Variants in FHIT observed in about 807,000 individuals in gnomAD.
FHIT encodes the protein bis(5'-adenosyl)-triphosphatase.
In FHIT, 19 loss-of-function variants were observed where a neutral mutation model predicts 17.9. The ratio of observed to expected loss-of-function variants is 1.06; its 90% CI spans 0.74 to 1.56. The LOEUF (loss-of-function observed/expected upper bound fraction) is 1.56. FHIT is among the 40% of genes most tolerant of loss of function. FHIT has a pLI of 0.00. For synonymous variants in FHIT, 81 were observed against 69.7 expected (o/e 1.16, Z -0.81); for missense variants, 248 against 189.2 (o/e 1.31, Z -1.82).
chr3:60,355,532 G>C (rs908871516), intron 5 of FHIT, among the ~76,000 whole-genome samples: 2 of 151,526 alleles, frequency 1.3e-5, no homozygotes, highest in African/African-American at 4.8e-5. Context: ...ATTTCAAAAG[G>C]CTGCATACAA....
intron 5 of FHIT, among the ~76,000 whole-genome samples, chr3:60,387,281 G>A (rs1275653556): frequency 2.0e-5 from 3 of 151,926 alleles, no homozygotes; most frequent in Non-Finnish European, 4.4e-5. Context: ...GTGAGCCACC[G>A]TGCCCAGCCA....
rs565088298 is a variant in FHIT, at chr3:60,921,087, G to A, written c.-110-99076C>T. Among the ~76,000 whole-genome samples the A allele has an allele frequency of 1.6e-4, 24 of 152,226 alleles. No homozygotes were observed. In the Middle Eastern group the frequency reaches 0.034, roughly 216 times the overall value. ...AACTGTGCATAGATAGGGGACGGAG[G>A]AGAAAACTCACAAATAAGCAGTCTA... On this transcript the variant is annotated intron_variant, in intron 3 of 9. Coordinates refer to ENST00000492590, the MANE Select transcript of FHIT (RefSeq NM_002012.4).
intron 1 of FHIT, among the ~76,000 whole-genome samples, chr3:61,213,510 T>A (rs2106779557): frequency 6.6e-6 from 1 of 152,270 alleles, no homozygotes; most frequent in South Asian, 2.1e-4. Context: ...ATAAAGCAAG[T>A]CCTGAGTGAC....
chr3:60,588,260 T>G (rs991643479), intron 4 of FHIT, among the ~76,000 whole-genome samples: 2 of 152,084 alleles, frequency 1.3e-5, no homozygotes, highest in Middle Eastern at 6.8e-3. Flanking sequence ...TCTCCCTATA[T>G]CCACTAAAGA....
chr3:60,083,994 T>A (rs1703395954), intron 5 of FHIT, among the ~76,000 whole-genome samples: 1 of 152,122 alleles, frequency 6.6e-6, no homozygotes, highest in South Asian at 2.1e-4. Flanking sequence ...CTGGCACGTT[T>A]ATGTATTGAC....
intron 3 of FHIT, among the ~76,000 whole-genome samples, chr3:60,830,114 A>G (rs1370204438): frequency 5.3e-5 from 8 of 152,000 alleles, no homozygotes; most frequent in Admixed American, 3.9e-4. Flanking sequence ...TCAGTGGACA[A>G]TGGTATTTGA....
chr3:61,248,924 A>C (rs1477869058), intron 1 of FHIT, among the ~76,000 whole-genome samples: 1 of 152,262 alleles, frequency 6.6e-6, no homozygotes, highest in Non-Finnish European at 1.5e-5. Context: ...AATAAGAGTT[A>C]GATTAGATTA....
At chr3:59,855,434 T>C (rs1012497383) in intron 8 of FHIT, among the ~76,000 whole-genome samples, 7 of 152,190 alleles carry the variant, frequency 4.6e-5, no homozygotes, top group Non-Finnish European at 7.3e-5. Flanking sequence ...TCTAAGCTGT[T>C]TTAAATTTTA....
intron 3 of FHIT, among the ~76,000 whole-genome samples, chr3:60,996,577 C>A (rs2030691356): frequency 6.6e-6 from 1 of 152,130 alleles, no homozygotes; most frequent in African/African-American, 2.4e-5. Context: ...ATCGTAATGT[C>A]CATAATACAG....
chr3:60,188,179 T>C (rs1387773305), intron 5 of FHIT, among the ~76,000 whole-genome samples: 1 of 150,416 alleles, frequency 6.6e-6, no homozygotes, highest in African/African-American at 2.4e-5. Context: ...CAGGTGTCTA[T>C]GAACTCAGGG....
At chr3:60,057,815 T>A (rs565747569) in intron 5 of FHIT, among the ~76,000 whole-genome samples, 2 of 152,134 alleles carry the variant, frequency 1.3e-5, no homozygotes, top group Non-Finnish European at 2.9e-5. Flanking sequence ...TGTTTTCTTA[T>A]ACATTATTAC....
chr3:59,876,737 C>T (rs867083008), intron 8 of FHIT, among the ~76,000 whole-genome samples: 12 of 152,198 alleles, frequency 7.9e-5, no homozygotes, highest in South Asian at 4.1e-4. Context: ...TAGTATCAGA[C>T]ACTGCTGGTT....
At position 60,040,486 on chromosome 3, in the gene FHIT, G is replaced by A. The variant is rs1454764095; in HGVS notation, c.104-26334C>T. Among the ~76,000 whole-genome samples the A allele has an allele frequency of 2.0e-5, 3 of 152,008 alleles. No individual in the cohort carries two copies. The East Asian group carries it at 5.8e-4, about 29-fold the overall frequency. On this transcript the variant is annotated intron_variant, in intron 5 of 9. Coordinates refer to ENST00000492590, the MANE Select transcript of FHIT (RefSeq NM_002012.4). ...CTTCCTTTCTTCATACCATAACTCA[G>A]TGATAATTAGTAGGGGGTGAAACAG...
chr3:60,143,162 G>A (rs1332328499), intron 5 of FHIT, among the ~76,000 whole-genome samples: 2 of 152,172 alleles, frequency 1.3e-5, no homozygotes, highest in Non-Finnish European at 2.9e-5. Context: ...CTAAGGCCAT[G>A]CAGCAAATCT....
At chr3:60,315,221 C>G (rs1211658873) in intron 5 of FHIT, among the ~76,000 whole-genome samples, 2 of 152,118 alleles carry the variant, frequency 1.3e-5, no homozygotes, top group African/African-American at 4.8e-5. Context: ...TCACCCACAA[C>G]CTTGGGAGAC....
intron 4 of FHIT, among the ~76,000 whole-genome samples, chr3:60,687,405 A>C (rs1553698693): frequency 6.6e-6 from 1 of 152,070 alleles, no homozygotes; most frequent in East Asian, 1.9e-4. Flanking sequence ...TTCCTGTTTG[A>C]ATCTGGAGTT....
chr3:60,139,193 T>C (rs972153259), intron 5 of FHIT, among the ~76,000 whole-genome samples: 2 of 152,316 alleles, frequency 1.3e-5, no homozygotes, highest in African/African-American at 4.8e-5. Context: ...CCTTCCCGCC[T>C]TTCAGTACAG....
chr3:60,967,991 T>A (rs561778698), intron 3 of FHIT, among the ~76,000 whole-genome samples: 64 of 152,360 alleles, frequency 4.2e-4, no homozygotes, highest in African/African-American at 1.5e-3. Context: ...ATTACTTGCT[T>A]CTGATCAACT....
chr3:60,733,560 T>C (rs782739028), intron 4 of FHIT, among the ~76,000 whole-genome samples: 4 of 152,154 alleles, frequency 2.6e-5, no homozygotes, highest in African/African-American at 4.8e-5. Context: ...CAACCAACCA[T>C]CCTTTCCACC....
Sources: allele counts gnomAD v4.1 joint callset (sites outside exome capture counted in the v4.1 genomes callset), GRCh38; gene constraint gnomAD v4.1.1; transcripts MANE v1.5; gene names NCBI Gene and HGNC (gene_info 2026-07-23, HGNC 2026-07-21).